ADAMTSL1: variants seen among roughly 807,000 people sequenced by gnomAD.
The protein encoded by ADAMTSL1 is ADAMTS like 1.
Under a neutral mutation model 201.8 loss-of-function variants are expected in ADAMTSL1, and 126 were observed. The ratio of observed to expected loss-of-function variants is 0.62; its 90% CI spans 0.54 to 0.72. The LOEUF is 0.72. Ranked by LOEUF, ADAMTSL1 falls within the 30% of genes least tolerant of loss-of-function variation. ADAMTSL1 has a pLI of 0.00. For synonymous variants in ADAMTSL1, 1,121 were observed against 903.4 expected, an observed-to-expected ratio of 1.24 and a Z score of -4.32; for missense variants, 2,679 against 2,277.8, an observed-to-expected ratio of 1.18 and a Z score of -3.59.
At chr9:18,770,544 T>C (rs1358857014) in intron 16 of ADAMTSL1, 58 bp from the exon 17 acceptor site, 28 of 1,503,460 alleles carry the variant, frequency 1.9e-5, no homozygotes, top group Non-Finnish European at 2.5e-5. Context: ...GAATTAGCAG[T>C]CAGACTGCCT....
At chr9:18,278,047 C>G (rs1486645855) in intron 2 of ADAMTSL1, among the ~76,000 whole-genome samples, 1 of 152,116 alleles carries the variant, frequency 6.6e-6, no homozygotes, top group Non-Finnish European at 1.5e-5. Context: ...AAACTCTCCA[C>G]TTTAATTATT....
At position 18,399,388 on chromosome 9, in the gene ADAMTSL1, G is replaced by A. The variant is rs537246918; in HGVS notation, c.208-105441G>A. On this transcript the variant is annotated intron_variant, in intron 2 of 29. Coordinates refer to the ADAMTSL1 transcript ENST00000680146. Reference sequence around the variant, plus strand: ...AAAGTCTTGCTCTGTCACCCAGACTGGAGTGCAGTAGCATGATCTCGGCTC... The same window carrying A: ...AAAGTCTTGCTCTGTCACCCAGACTAGAGTGCAGTAGCATGATCTCGGCTC... Among the ~76,000 whole-genome samples the A allele has an allele frequency of 3.3e-4, 48 of 146,046 alleles. 1 individual carries two copies. The highest frequency in any genetic ancestry group is 1.2e-3 in the African/African-American group (47 of 38,934).
chr9:18,550,380 T>G (rs368783310), intron 3 of ADAMTSL1, among the ~76,000 whole-genome samples: 29 of 151,968 alleles, frequency 1.9e-4, no homozygotes, highest in African/African-American at 6.5e-4. Context: ...CAGAAATGAT[T>G]GTAGCAAAAG....
chr9:18,532,879 TAA>T (rs1819529314), intron 2 of ADAMTSL1, among the ~76,000 whole-genome samples: 1 of 151,922 alleles, frequency 6.6e-6, no homozygotes, highest in Admixed American at 6.6e-5. Flanking sequence ...TTTCAAGATC[TAA>T]GTTTTTCAGT....
rs137886612 is a variant in ADAMTSL1 at position 18,574,182 on chromosome 9, G to A, written c.390G>A (p.Leu130=). Residue 130 remains leucine, a synonymous_variant, in exon 4 of 29, where the codon CTG becomes CTA. Coordinates refer to ENST00000380548, the MANE Select transcript of ADAMTSL1 (RefSeq NM_001040272.6). The stretch of plus-strand genomic sequence containing the variant: ...AGTGCCAAGCCAAAGGAACAACCCT[G>A]GTTGTTGAACTAGCACCTAAGGTCT... The part of the protein sequence containing the change: ...SLKCQAKGTT[L]VVELAPKVLD... 2.1e-5 allele frequency: 34 copies of A among 1,614,130 alleles called. No individual in the cohort carries two copies. Among genetic ancestry groups the A allele is most frequent in the Non-Finnish European group, 2.9e-5 (34 of 1,180,010 alleles).
chr9:18,541,211 G>T lies in ADAMTSL1; in HGVS notation c.237+7919G>T, dbSNP rs571313076. On this transcript the variant is annotated intron_variant, in intron 3 of 28. Coordinates refer to ENST00000380548, the MANE Select transcript of ADAMTSL1 (RefSeq NM_001040272.6). Reference sequence around the variant, plus strand: ...TCTGCATTTGGACAGTCTCTAAAAGGCTATTACGATGTATGAGTGGCAGGC... The same window carrying T: ...TCTGCATTTGGACAGTCTCTAAAAGTCTATTACGATGTATGAGTGGCAGGC... 2.0e-5 allele frequency among the ~76,000 whole-genome samples: 3 copies of T among 152,262 alleles called. No homozygotes were observed. In the South Asian group the frequency reaches 6.2e-4, roughly 32 times the overall value.
At chr9:18,908,308 G>A (rs1033373031) in intron 28 of ADAMTSL1, 134 bp from the exon 29 acceptor site, 18 of 733,512 alleles carry the variant, frequency 2.5e-5, no homozygotes, top group African/African-American at 1.0e-4. Context: ...GCTGGAGAGC[G>A]GTGGCCAAGG....
chr9:18,606,872 A>G (rs1415740858), intron 4 of ADAMTSL1, among the ~76,000 whole-genome samples: 2 of 152,176 alleles, frequency 1.3e-5, no homozygotes, highest in Non-Finnish European at 2.9e-5. Flanking sequence ...CACTCTTCAG[A>G]ATAATTGTGG....
intron 1 of ADAMTSL1, among the ~76,000 whole-genome samples, chr9:18,147,332 A>C (rs1478094895): frequency 6.6e-6 from 1 of 152,158 alleles, no homozygotes; most frequent in Non-Finnish European, 1.5e-5. Flanking sequence ...ATAATATTTT[A>C]GTTAATCAGG....
chr9:17,949,877 C>T (rs981799929), intron 1 of ADAMTSL1, among the ~76,000 whole-genome samples: 3 of 152,128 alleles, frequency 2.0e-5, no homozygotes, highest in Non-Finnish European at 2.9e-5. Context: ...CAGCAAAAGA[C>T]GGAAAAGCAG....
At chr9:18,588,884 C>CAT (rs754566534) in intron 4 of ADAMTSL1, among the ~76,000 whole-genome samples, 3,456 of 122,794 alleles carry the variant, frequency 0.028, 186 homozygotes, top group African/African-American at 0.082. Flanking sequence ...TATACATATA[C>CAT]ATATATATAT....
chr9:18,706,742 T>C lies in ADAMTSL1; in HGVS notation c.1575-5T>C, dbSNP rs1832255364. Reference sequence around the variant, plus strand: ...CCTGTCCTCTTGTTTGCTTGCCGACTGCAGGTTCATCCCAGAGGCCTGGTC... The same window carrying C: ...CCTGTCCTCTTGTTTGCTTGCCGACCGCAGGTTCATCCCAGAGGCCTGGTC... On this transcript the variant is annotated splice_region_variant and splice_polypyrimidine_tract_variant and intron_variant, in intron 13 of 28. Coordinates refer to ENST00000380548, the MANE Select transcript of ADAMTSL1 (RefSeq NM_001040272.6). 1 of 1,593,238 alleles carries C rather than the reference T, an allele frequency of 6.3e-7. No individual in the cohort carries two copies. Among genetic ancestry groups the C allele is most frequent in the Non-Finnish European group, 8.6e-7 (1 of 1,169,074 alleles).
At chr9:17,908,256 G>A (rs767589580) in intron 1 of ADAMTSL1, among the ~76,000 whole-genome samples, 1 of 152,118 alleles carries the variant, frequency 6.6e-6, no homozygotes, top group Non-Finnish European at 1.5e-5. Flanking sequence ...TCCTTGTCAG[G>A]GCTTCCCAGC....
chr9:17,983,064 C>CTTTTTTTTTTTTTTTTTTTTTTTT lies in ADAMTSL1; in HGVS notation c.87+76145_87+76146insTTTTTTTTTTTTTTTTTTTTTTTT, dbSNP rs202085722. Among the ~76,000 whole-genome samples, 7 of 88,588 alleles carry CTTTTTTTTTTTTTTTTTTTTTTTT rather than the reference C, an allele frequency of 7.9e-5. 1 individual carries two copies. The highest frequency in any genetic ancestry group is 8.6e-5 in the African/African-American group (2 of 23,228). The allele number at this position is 88,588 out of a possible 152,430, so 58.1% of individuals were successfully genotyped here. On this transcript the variant is annotated intron_variant, in intron 1 of 29. Coordinates refer to the ADAMTSL1 transcript ENST00000680146. ...TTTTCATTTTCTTTTTCTTTTCTTT[C>CTTTTTTTTTTTTTTTTTTTTTTTT]TTTCTTTCTTTCTTTTTTTTTTTTG...
At chr9:18,870,370 T>C (rs906631063) in intron 23 of ADAMTSL1, among the ~76,000 whole-genome samples, 1 of 152,214 alleles carries the variant, frequency 6.6e-6, no homozygotes, top group African/African-American at 2.4e-5. Context: ...CATTTATTTT[T>C]GGTCTAACAG....
intron 23 of ADAMTSL1, among the ~76,000 whole-genome samples, chr9:18,834,671 T>A (rs1825201534): frequency 6.6e-6 from 1 of 152,120 alleles, no homozygotes. Context: ...TGAACACTGA[T>A]CTGATTTATG....
intron 2 of ADAMTSL1, among the ~76,000 whole-genome samples, chr9:18,311,912 A>C (rs1291842521): frequency 6.6e-6 from 1 of 152,198 alleles, no homozygotes; most frequent in Non-Finnish European, 1.5e-5. Context: ...AGGAAAAAAA[A>C]ATGTATCCCA....
chr9:18,396,928 G>A (rs143831617), intron 2 of ADAMTSL1, among the ~76,000 whole-genome samples: 1,572 of 152,228 alleles, frequency 0.01, 14 homozygotes, highest in Non-Finnish European at 0.017. Flanking sequence ...GGGGTCCTAA[G>A]AAATGTATGC....
At chr9:18,208,864 G>T (rs1283510062) in intron 2 of ADAMTSL1, among the ~76,000 whole-genome samples, 1 of 152,150 alleles carries the variant, frequency 6.6e-6, no homozygotes, top group African/African-American at 2.4e-5. Flanking sequence ...GCCTCTTTCT[G>T]GTTCTGTGGC....
Sources: gnomAD v4.1 joint callset for allele counts (sites outside exome capture counted in the v4.1 genomes callset) on GRCh38, gnomAD v4.1.1 for gene constraint, MANE v1.5 for transcripts, NCBI Gene and HGNC (gene_info 2026-07-23, HGNC 2026-07-21) for gene names.